Variants in CSMD1 observed in about 807,000 individuals in gnomAD.
CSMD1 encodes CUB and sushi domain-containing protein 1.
In CSMD1, 213 loss-of-function variants were observed where a neutral mutation model predicts 417.5. The ratio of observed to expected loss-of-function variants is 0.51; its 90% CI spans 0.46 to 0.57. The LOEUF (loss-of-function observed/expected upper bound fraction) is 0.57. Among genes scored for constraint, CSMD1 ranks in the 20% least tolerant of loss-of-function variants. The pLI is 0.00. For synonymous variants in CSMD1, 2,862 were observed against 1,736.8 expected (o/e 1.65, Z -16.11); for missense variants, 6,923 against 4,529.7 (o/e 1.53, Z -15.17).
intron 3 of CSMD1, among the ~76,000 whole-genome samples, chr8:4,181,207 ACC>A (rs976650267): frequency 6.6e-6 from 1 of 152,136 alleles, no homozygotes; most frequent in Non-Finnish European, 1.5e-5. Context: ...CCCATATAGC[ACC>A]GATGATTTAA....
chr8:3,234,718 C>T (rs1012268282), intron 26 of CSMD1, among the ~76,000 whole-genome samples: 4 of 152,152 alleles, frequency 2.6e-5, no homozygotes, highest in African/African-American at 9.7e-5. Flanking sequence ...TAGAAAGTCA[C>T]GAAGGTCTCA....
intron 5 of CSMD1, among the ~76,000 whole-genome samples, chr8:3,954,290 G>A (rs2930382): frequency 0.26 from 39,865 of 152,170 alleles, 6,359 homozygotes; most frequent in Non-Finnish European, 0.35. Context: ...AGGAAGGTGC[G>A]CTTGGGAGAG....
chr8:3,249,623 T>C (rs1021118905), intron 26 of CSMD1, among the ~76,000 whole-genome samples: 20 of 152,124 alleles, frequency 1.3e-4, no homozygotes, highest in African/African-American at 4.3e-4. Context: ...TATATACATA[T>C]AGGAGATAAT....
In CSMD1 at chr8:4,190,075, G is replaced by C. The variant is rs894532751; in HGVS notation, c.416-157976C>G. 1.1e-4 allele frequency among the ~76,000 whole-genome samples: 16 copies of C among 151,648 alleles called. 1 individual carries two copies. Among genetic ancestry groups the C allele is most frequent in the Non-Finnish European group, 2.2e-4 (15 of 67,934 alleles). On this transcript the variant is annotated intron_variant, in intron 3 of 69. Transcript: ENST00000635120. The stretch of plus-strand genomic sequence containing the variant: ...AGATCGAGACCATCCTGGCTAACAT[G>C]GTGAAACCCCATCTCTACTAAAAAA...
chr8:4,255,003 A>G (rs1322644428), intron 3 of CSMD1, among the ~76,000 whole-genome samples: 2 of 152,240 alleles, frequency 1.3e-5, no homozygotes, highest in African/African-American at 4.8e-5. Context: ...AAGATCACTC[A>G]GAGTTATTTT....
intron 1 of CSMD1, among the ~76,000 whole-genome samples, chr8:4,942,852 C>A (rs1808103948): frequency 6.6e-6 from 1 of 152,154 alleles, no homozygotes; most frequent in Non-Finnish European, 1.5e-5. Flanking sequence ...GATAGTGGGA[C>A]CTTTATTTGT....
intron 25 of CSMD1, among the ~76,000 whole-genome samples, chr8:3,303,541 A>G (rs1039011749): frequency 2.0e-5 from 3 of 152,222 alleles, no homozygotes; most frequent in Non-Finnish European, 2.9e-5. Context: ...CCCTTCAACT[A>G]TACTACCAAA....
chr8:4,751,762 T>A (rs1673253), intron 1 of CSMD1, among the ~76,000 whole-genome samples: 28,291 of 152,132 alleles, frequency 0.19, 2,927 homozygotes, highest in African/African-American at 0.29. Flanking sequence ...GTGTCTGACA[T>A]TGAGGACCTC....
chr8:3,836,486 T>C (rs1199370862), intron 5 of CSMD1, among the ~76,000 whole-genome samples: 1 of 152,170 alleles, frequency 6.6e-6, no homozygotes, highest in Non-Finnish European at 1.5e-5. Flanking sequence ...GCAGAGATTG[T>C]TGCTGTATAT....
At chr8:4,242,286 C>A (rs980915997) in intron 3 of CSMD1, among the ~76,000 whole-genome samples, 1 of 152,106 alleles carries the variant, frequency 6.6e-6, no homozygotes, top group African/African-American at 2.4e-5. Context: ...CAGTGAAGGG[C>A]AGACTGGAAA....
intron 1 of CSMD1, among the ~76,000 whole-genome samples, chr8:4,847,955 C>A (rs568180529): frequency 1.3e-4 from 20 of 152,276 alleles, no homozygotes; most frequent in Non-Finnish European, 1.5e-4. Context: ...CACCACCCCC[C>A]ATCCCTTCAA....
intron 3 of CSMD1, among the ~76,000 whole-genome samples, chr8:4,264,645 A>G (rs548720027): frequency 6.6e-6 from 1 of 152,176 alleles, no homozygotes; most frequent in Non-Finnish European, 1.5e-5. Context: ...CCACCCAGGT[A>G]CATGACAGCC....
At chr8:4,651,655 C>G (rs1803902567) in intron 1 of CSMD1, among the ~76,000 whole-genome samples, 2 of 152,160 alleles carry the variant, frequency 1.3e-5, no homozygotes, top group Admixed American at 6.5e-5. Context: ...TGGGATAATT[C>G]TCTTTCAATT....
At chr8:3,460,590 G>A (rs1042269294) in intron 12 of CSMD1, among the ~76,000 whole-genome samples, 4 of 152,198 alleles carry the variant, frequency 2.6e-5, no homozygotes, top group Middle Eastern at 3.4e-3. Context: ...TGTGGAAGCC[G>A]ACTAAGGGTA....
intron 1 of CSMD1, among the ~76,000 whole-genome samples, chr8:4,992,345 A>C (rs765457804): frequency 2.6e-5 from 4 of 152,172 alleles, no homozygotes; most frequent in Non-Finnish European, 5.9e-5. Context: ...CGCGGTCTCC[A>C]CGCAGCAACC....
chr8:3,832,001 G>A (rs1434214067), intron 5 of CSMD1, among the ~76,000 whole-genome samples: 1 of 152,036 alleles, frequency 6.6e-6, no homozygotes, highest in South Asian at 2.1e-4. Flanking sequence ...ACATTTTTTG[G>A]TAAATTTTTA....
intron 3 of CSMD1, among the ~76,000 whole-genome samples, chr8:4,197,914 C>T (rs895253198): frequency 1.3e-5 from 2 of 152,138 alleles, no homozygotes; most frequent in African/African-American, 4.8e-5. Context: ...TCCATTTCAT[C>T]TATTCATTCA....
At chr8:4,254,269 C>A (rs1157387422) in intron 3 of CSMD1, among the ~76,000 whole-genome samples, 1 of 152,056 alleles carries the variant, frequency 6.6e-6, no homozygotes, top group East Asian at 1.9e-4. Context: ...TCAGCGAACA[C>A]CTGTGCCAGT....
chr8:3,298,499 G>A lies in CSMD1; in HGVS notation c.3950+9196C>T, dbSNP rs903196006. ...GACAGAGTCTTGATCTGTTGACCAGGCTGGAGTGCAATGGAATGATCGTGG... is the reference window on the plus strand; with the variant it reads ...GACAGAGTCTTGATCTGTTGACCAGACTGGAGTGCAATGGAATGATCGTGG... On this transcript the variant is annotated intron_variant, in intron 25 of 69. Transcript: ENST00000635120. Among the ~76,000 whole-genome samples the A allele has an allele frequency of 2.6e-5, 4 of 152,156 alleles. No individual in the cohort carries two copies. The South Asian group carries it at 8.3e-4, about 31-fold the overall frequency.
Sources: gnomAD v4.1 joint callset for allele counts (sites outside exome capture counted in the v4.1 genomes callset) on GRCh38, gnomAD v4.1.1 for gene constraint, MANE v1.5 for transcripts, NCBI Gene and HGNC (gene_info 2026-07-23, HGNC 2026-07-21) for gene names.